C12orf50: variants seen among roughly 807,000 people sequenced by gnomAD.
C12orf50 encodes the protein uncharacterized protein C12orf50.
In C12orf50, 35 loss-of-function variants were observed where a neutral mutation model predicts 61.6. The ratio of observed to expected loss-of-function variants is 0.57; its 90% confidence interval spans 0.43 to 0.75. The LOEUF (loss-of-function observed/expected upper bound fraction) is 0.75. Ranked by LOEUF, C12orf50 falls within the 30% of genes least tolerant of loss-of-function variation. C12orf50 has a pLI of 0.00. For missense variants in C12orf50, 475 were observed against 488.5 expected, an observed-to-expected ratio of 0.97 and a Z score of 0.26; for synonymous variants, 178 against 161.5, an observed-to-expected ratio of 1.10 and a Z score of -0.77.
At chr12:87,990,649 C>G (rs2031075177) in intron 7 of C12orf50, among the ~76,000 whole-genome samples, 1 of 152,032 alleles carries the variant, frequency 6.6e-6, no homozygotes, top group African/African-American at 2.4e-5. Context: ...AGGAGTTACG[C>G]TCCACACTTA....
At position 87,985,908 on chromosome 12, in the gene C12orf50, C is replaced by A. The variant is rs201866729; in HGVS notation, c.1068G>T (p.Thr356=). The A allele has an allele frequency of 6.2e-7, 1 of 1,613,718 alleles. No individual in the cohort carries two copies. Among genetic ancestry groups the A allele is most frequent in the Admixed American group, 1.7e-5 (1 of 59,970 alleles). The stretch of plus-strand genomic sequence containing the variant: ...CATGGACTTTATTGTAGGACCCATG[C>A]GTGGGCCTGCTGCGGGAAGGTGCAT... ...ALNAPSRSRP[T]HGSYNKVHAN... The change falls in exon 11 of 13, where the codon ACG becomes ACT. Residue 356 remains threonine (T), a synonymous_variant. Transcript: ENST00000298699.
At chr12:88,001,776 A>G (rs1221729285) in intron 3 of C12orf50, among the ~76,000 whole-genome samples, 1 of 151,544 alleles carries the variant, frequency 6.6e-6, no homozygotes, top group East Asian at 1.9e-4. Context: ...ATTTGTTGAA[A>G]TATAGTTGTC....
At position 87,996,605 on chromosome 12, in the gene C12orf50, C is replaced by A; in HGVS notation, c.331G>T (p.Glu111Ter). The change falls in exon 5 of 13, where the codon GAA (glutamate) becomes TAA (stop). Residue 111 changes from glutamate to a stop codon, truncating the protein, a stop_gained. Coordinates refer to ENST00000298699, the MANE Select transcript of C12orf50 (RefSeq NM_152589.3). LOFTEE classifies it high-confidence loss of function. ...CACATCTCCTTTATTGCTCTTTTTT[C>A]TTCAATTTCTTCAGGGGTCTTTGTC... ...LWTKTPEEIE[E>*]KRAIKEMCYK... The A allele has an allele frequency of 6.2e-7, 1 of 1,609,606 alleles. No individual in the cohort carries two copies. Among genetic ancestry groups the A allele is most frequent in the Non-Finnish European group, 8.5e-7 (1 of 1,176,516 alleles).
chr12:88,008,673 A>G (rs1357473003), intron 3 of C12orf50, among the ~76,000 whole-genome samples: 1 of 152,140 alleles, frequency 6.6e-6, no homozygotes, highest in Non-Finnish European at 1.5e-5. Context: ...AAGTACAGAA[A>G]CTATAAAATA....
At chr12:88,019,346 T>C (rs1318528742) in intron 3 of C12orf50, among the ~76,000 whole-genome samples, 1 of 152,164 alleles carries the variant, frequency 6.6e-6, no homozygotes, top group Admixed American at 6.5e-5. Flanking sequence ...TCCTCAATGA[T>C]TTGGAGGCCT....
rs1392301610 is a variant in C12orf50 at position 87,996,593 on chromosome 12, T to C, written c.343A>G (p.Ile115Val). Residue 115 changes from isoleucine to valine, a missense_variant, in exon 5 of 13, where the codon ATA (isoleucine) becomes GTA (valine). Transcript: ENST00000298699. ...CCAGATTTATAACACATCTCCTTTA[T>C]TGCTCTTTTTTCTTCAATTTCTTCA... ...TPEEIEEKRAIKEMCYKSGEY... is the reference protein window; with the variant it reads ...TPEEIEEKRAVKEMCYKSGEY... 5.6e-6 allele frequency: 9 copies of C among 1,609,712 alleles called. No individual in the cohort carries two copies. Among genetic ancestry groups the C allele is most frequent in the South Asian group, 3.3e-5 (3 of 90,980 alleles).
At chr12:88,011,048 A>C (rs1157592478) in intron 3 of C12orf50, among the ~76,000 whole-genome samples, 2 of 152,100 alleles carry the variant, frequency 1.3e-5, no homozygotes, top group Non-Finnish European at 2.9e-5. Context: ...TTTTTCTACC[A>C]AAAGCATAAC....
Position 87,980,310 on chromosome 12 carries a change from T to G in C12orf50, c.*21A>C, listed in dbSNP as rs1468424630. On this transcript the variant is annotated 3_prime_UTR_variant, in exon 13 of 13. Transcript: ENST00000298699. ...ATGTCTGGCAATTTTTTCTCATTTT[T>G]CTCTCTCTCAACCTCCAGGTTTACT... The G allele has an allele frequency of 1.2e-6, 2 of 1,603,236 alleles. No homozygotes were observed. Among genetic ancestry groups the G allele is most frequent in the African/African-American group, 2.7e-5 (2 of 74,430 alleles).
chr12:88,029,148 G>GT, intron 1 of C12orf50, 192 bp downstream of exon 1: 7 of 1,250,318 alleles, frequency 5.6e-6, no homozygotes, highest in Admixed American at 5.5e-5. Flanking sequence ...CTAATCCAAT[G>GT]GTTTTTTTTT....
intron 8 of C12orf50, among the ~76,000 whole-genome samples, chr12:87,989,036 A>G (rs2030988128): frequency 6.6e-6 from 1 of 152,126 alleles, no homozygotes; most frequent in South Asian, 2.1e-4. Context: ...TAGAACTAGC[A>G]ATACTAGAAA....
intron 3 of C12orf50, among the ~76,000 whole-genome samples, chr12:88,016,244 C>T (rs1319771246): frequency 2.0e-5 from 3 of 152,134 alleles, no homozygotes; most frequent in Non-Finnish European, 4.4e-5. Context: ...TATACTTAGC[C>T]AGTTACAGTT....
intron 3 of C12orf50, among the ~76,000 whole-genome samples, chr12:88,005,193 C>T (rs531582517): frequency 5.9e-5 from 9 of 152,140 alleles, no homozygotes; most frequent in Non-Finnish European, 7.4e-5. Flanking sequence ...TGTGATAATA[C>T]ATTGTAGCAA....
chr12:88,029,195 C>A (rs1001347825), intron 1 of C12orf50, 145 bp downstream of exon 1: 21 of 890,014 alleles, frequency 2.4e-5, no homozygotes, highest in Non-Finnish European at 3.1e-5. Context: ...AATGCAAATA[C>A]AAGAACTATC....
chr12:88,007,406 T>C (rs2031925404), intron 3 of C12orf50, among the ~76,000 whole-genome samples: 1 of 152,238 alleles, frequency 6.6e-6, no homozygotes, highest in South Asian at 2.1e-4. Flanking sequence ...TGTAACAAAA[T>C]ATCTGGGTAA....
intron 3 of C12orf50, among the ~76,000 whole-genome samples, chr12:88,000,585 A>T (rs1006506414): frequency 6.6e-6 from 1 of 151,892 alleles, no homozygotes; most frequent in African/African-American, 2.4e-5. Context: ...AAATAGGTCC[A>T]TTGGGATTTT....
At chr12:88,005,701 G>A (rs961344540) in intron 3 of C12orf50, among the ~76,000 whole-genome samples, 5 of 151,824 alleles carry the variant, frequency 3.3e-5, no homozygotes, top group African/African-American at 7.3e-5. Context: ...GTGCAGTGGC[G>A]CTATCTTGGC....
intron 3 of C12orf50, among the ~76,000 whole-genome samples, chr12:88,004,284 C>T (rs1421562403): frequency 2.6e-5 from 4 of 152,070 alleles, no homozygotes; most frequent in African/African-American, 9.7e-5. Flanking sequence ...AGCCAACAAG[C>T]ATATGAAAAA....
At chr12:87,993,404 C>T (rs1453486840) in intron 7 of C12orf50, among the ~76,000 whole-genome samples, 1 of 152,126 alleles carries the variant, frequency 6.6e-6, no homozygotes, top group African/African-American at 2.4e-5. Flanking sequence ...GTGGGAACTC[C>T]GTTAGGAGAG....
intron 3 of C12orf50, among the ~76,000 whole-genome samples, chr12:88,005,417 C>G (rs1264609747): frequency 6.6e-6 from 1 of 152,134 alleles, no homozygotes; most frequent in Non-Finnish European, 1.5e-5. Flanking sequence ...TCCCTGGTTT[C>G]TCTGTTAAGC....
Sources: allele counts gnomAD v4.1 joint callset (sites outside exome capture counted in the v4.1 genomes callset), GRCh38; gene constraint gnomAD v4.1.1; transcripts MANE v1.5; gene names NCBI Gene and HGNC (gene_info 2026-07-23, HGNC 2026-07-21).